The following CACNA1G variants were observed in gnomAD, a reference collection of about 807,000 sequenced individuals.
CACNA1G encodes the protein voltage-dependent T-type calcium channel subunit alpha-1G.
CACNA1G carries 67 observed loss-of-function variants against 219.4 expected under a neutral mutation model. The observed-to-expected ratio is 0.31, with a 90% CI of 0.25 to 0.37. CACNA1G has a LOEUF of 0.37. Among genes scored for constraint, CACNA1G ranks in the 10% least tolerant of loss-of-function variants. The pLI is 1.00. For missense variants in CACNA1G, 2,380 were observed against 3,231.4 expected, an observed-to-expected ratio of 0.74 and a Z score of 6.39; for synonymous variants, 1,296 against 1,345.3, an observed-to-expected ratio of 0.96 and a Z score of 0.80.
At chr17:50,605,877 T>C (rs1194621488) in intron 22 of CACNA1G, 21 bp from the exon 23 acceptor site, 2 of 1,612,676 alleles carry the variant, frequency 1.2e-6, no homozygotes, top group African/African-American at 2.7e-5. Context: ...CTTTTCTCTG[T>C]CTCTGGGAAT....
intron 14 of CACNA1G, among the ~76,000 whole-genome samples, chr17:50,595,418 G>A (rs1327976352): frequency 3.3e-5 from 5 of 152,220 alleles, no homozygotes; most frequent in East Asian, 1.9e-4. Context: ...AGTCCCAGAC[G>A]TCCGGCTTCA....
At chr17:50,591,079 T>A (rs2044225535) in intron 10 of CACNA1G, among the ~76,000 whole-genome samples, 1 of 152,232 alleles carries the variant, frequency 6.6e-6, no homozygotes, top group Admixed American at 6.5e-5. Context: ...CCGCAAGGCC[T>A]GGGGCCAGGA....
chr17:50,626,787 G>A lies in CACNA1G; in HGVS notation c.*36G>A. 1 of 1,612,580 alleles carries A rather than the reference G, an allele frequency of 6.2e-7. No individual in the cohort carries two copies. Among genetic ancestry groups the A allele is most frequent in the Non-Finnish European group, 8.5e-7 (1 of 1,179,662 alleles). On this transcript the variant is annotated 3_prime_UTR_variant, in exon 38 of 38. Transcript: ENST00000359106. The surrounding 1 kb of genome is among the most constrained non-coding windows in gnomAD (Gnocchi z 4.3). ...ACTTTCCCACTCACCTTTCTCCACT[G>A]GGTGCCAAGTCCTAGCTCCTCCTCC... is the stretch of plus-strand genomic sequence containing the variant.
chr17:50,579,523 C>G (rs1402965793), intron 9 of CACNA1G, among the ~76,000 whole-genome samples: 1 of 152,124 alleles, frequency 6.6e-6, no homozygotes, highest in Non-Finnish European at 1.5e-5. Context: ...AAGTCGCTCC[C>G]CCTCCCCCCA....
At chr17:50,601,199 C>G in intron 19 of CACNA1G, 25 bp downstream of exon 19, 1 of 1,612,502 alleles carries the variant, frequency 6.2e-7, no homozygotes, top group South Asian at 1.1e-5. Context: ...CCGCTCAGGG[C>G]AAGGCCTCTC....
chr17:50,608,146 C>A (rs530162258), intron 25 of CACNA1G, 127 bp downstream of exon 25: 3 of 743,098 alleles, frequency 4.0e-6, no homozygotes, highest in South Asian at 1.8e-5. Context: ...CTCCCACCCC[C>A]CTCCTCACCT....
chr17:50,618,564 C>T lies in CACNA1G; in HGVS notation c.5428-91C>T. The T allele has an allele frequency of 1.8e-6, 2 of 1,115,174 alleles. No individual in the cohort carries two copies. The highest frequency in any genetic ancestry group is 4.0e-5 in the Admixed American group (2 of 49,912). 69.1% of individuals were successfully genotyped at this position (1,115,174 alleles called of 1,614,324 possible). On this transcript the variant is annotated intron_variant, in intron 32 of 37. Coordinates refer to ENST00000359106, the MANE Select transcript of CACNA1G (RefSeq NM_018896.5). The surrounding 1 kb of genome is among the most constrained non-coding windows in gnomAD (Gnocchi z 5.3). ...TCCTCCTCCCCTTCCTTCCCATCCT[C>T]CAATGCTCTGTGACACCAGTGACCT...
In CACNA1G at chr17:50,578,382, G is replaced by A. The variant is rs1290655329; in HGVS notation, c.2119G>A (p.Asp707Asn). The change falls in exon 9 of 38, where the codon GAC becomes AAC. Residue 707 changes from aspartate (D) to asparagine (N), a missense_variant. Physicochemically the swap from Asp to Asn is conservative, Grantham distance 23. Coordinates refer to ENST00000359106, the MANE Select transcript of CACNA1G (RefSeq NM_018896.5). The surrounding 1 kb of genome is among the most constrained non-coding windows in gnomAD (Gnocchi z 4.5). ...TQDAQHSDLR[D>N]PHSRRQRSLG... The stretch of plus-strand genomic sequence containing the variant: ...GGATGCCCAGCACAGCGACCTCCGG[G>A]ACCCCCACAGCCGGCGGCAACGGAG... 6.2e-7 allele frequency: 1 copy of A among 1,613,178 alleles called. No homozygotes were observed. Among genetic ancestry groups the A allele is most frequent in the African/African-American group, 1.3e-5 (1 of 74,924 alleles).
rs1567727342 is a variant in CACNA1G at position 50,609,909 on chromosome 17, C to T, written c.4733C>T (p.Ser1578Phe). The change falls in exon 26 of 38, where the codon TCC (serine) becomes TTC (phenylalanine). Residue 1578 changes from serine (S) to phenylalanine (F), a missense_variant. Coordinates refer to ENST00000359106, the MANE Select transcript of CACNA1G (RefSeq NM_018896.5). Reference protein sequence around the residue: ...RNLMLDDVIASGSSASAASEA... With the variant: ...RNLMLDDVIAFGSSASAASEA... ...CTAATGCTGGACGATGTAATTGCTT[C>T]CGGCAGCTCAGCCAGCGCTGCGTCA... is the stretch of plus-strand genomic sequence containing the variant. 1 of 1,611,424 alleles carries T rather than the reference C, an allele frequency of 6.2e-7. No homozygotes were observed. Among genetic ancestry groups the T allele is most frequent in the Non-Finnish European group, 8.5e-7 (1 of 1,179,818 alleles).
In CACNA1G at chr17:50,594,911, T is replaced by A. The variant is rs888223432; in HGVS notation, c.2911-82T>A. ...GGGTTTGCGCCCCTCCTTTTCTTCA[T>A]CCTCTCTCGACACTGCCGATATCTG... is the stretch of plus-strand genomic sequence containing the variant. On this transcript the variant is annotated intron_variant, in intron 13 of 37. Coordinates refer to ENST00000359106, the MANE Select transcript of CACNA1G (RefSeq NM_018896.5). 1.2e-5 allele frequency: 13 copies of A among 1,054,842 alleles called. No homozygotes were observed. The African/African-American group carries it at 1.4e-4, about 12-fold the overall frequency. The allele number at this position is 1,054,842 out of a possible 1,614,324, so 65.3% of individuals were successfully genotyped here.
rs368793200 is a variant in CACNA1G, at chr17:50,623,861, C to T, written c.6061-46C>T. On this transcript the variant is annotated intron_variant, in intron 35 of 37. Coordinates refer to ENST00000359106, the MANE Select transcript of CACNA1G (RefSeq NM_018896.5). The stretch of plus-strand genomic sequence containing the variant: ...TCAGCGCTGCCTCAGTTACCAAACC[C>T]ACGCACACCCTCTTCCTCCACCTCC... 2.5e-6 allele frequency: 4 copies of T among 1,580,178 alleles called. No homozygotes were observed. In the South Asian group the frequency reaches 3.4e-5, roughly 13 times the overall value.
At chr17:50,622,841 A>T (rs1598818783) in intron 35 of CACNA1G, among the ~76,000 whole-genome samples, 1 of 151,984 alleles carries the variant, frequency 6.6e-6, no homozygotes, top group Non-Finnish European at 1.5e-5. Context: ...CTCCACCCTC[A>T]CCTGCCAGAG....
intron 13 of CACNA1G, among the ~76,000 whole-genome samples, chr17:50,594,118 C>T (rs2044977954): frequency 6.6e-6 from 1 of 152,222 alleles, no homozygotes; most frequent in South Asian, 2.1e-4. Context: ...GGGTAGCCCC[C>T]CTGCTGGCCT....
chr17:50,624,471 T>C lies in CACNA1G; in HGVS notation c.6341T>C (p.Ile2114Thr). Residue 2114 changes from isoleucine (I) to threonine (T), a missense_variant, in exon 37 of 38, where the codon ATC becomes ACC. By Grantham distance (89) the Ile-to-Thr change is moderately conservative. Transcript: ENST00000359106. ...QPHSAPTWGT[I>T]PKLPPPGRSP... The stretch of plus-strand genomic sequence containing the variant: ...CACAGCGCCCCAACCTGGGGCACCA[T>C]CCCCAAACTGCCCCCACCAGGACGC... 2 of 1,601,092 alleles carry C rather than the reference T, an allele frequency of 1.2e-6. No homozygotes were observed. Among genetic ancestry groups the C allele is most frequent in the Non-Finnish European group, 1.7e-6 (2 of 1,174,508 alleles).
At chr17:50,573,237 G>A (rs1259204173) in intron 7 of CACNA1G, 124 bp downstream of exon 7, 1 of 695,800 alleles carries the variant, frequency 1.4e-6, no homozygotes, top group Non-Finnish European at 2.6e-6. Flanking sequence ...CCTGTAGAGA[G>A]GGCATCCATC....
At position 50,616,433 on chromosome 17, in the gene CACNA1G, A is replaced by T; in HGVS notation, c.5021+49A>T. 2.7e-6 allele frequency: 3 copies of T among 1,122,210 alleles called. No individual in the cohort carries two copies. In the South Asian group the frequency reaches 3.9e-5, roughly 15 times the overall value. The allele number at this position is 1,122,210 out of a possible 1,614,324, so 69.5% of individuals were successfully genotyped here. On this transcript the variant is annotated intron_variant, in intron 28 of 37. Coordinates refer to ENST00000359106, the MANE Select transcript of CACNA1G (RefSeq NM_018896.5). ...GGGGACTTGCGTAGAGATAGAAAGG[A>T]ATGAGTCTCTTGGGGAAATACCCAG... is the stretch of plus-strand genomic sequence containing the variant.
In CACNA1G at chr17:50,600,977, G is replaced by A; in HGVS notation, c.3792-74G>A. 6.3e-7 allele frequency: 1 copy of A among 1,594,016 alleles called. No individual in the cohort carries two copies. The highest frequency in any genetic ancestry group is 8.6e-7 in the Non-Finnish European group (1 of 1,167,688). On this transcript the variant is annotated intron_variant, in intron 18 of 37. Coordinates refer to ENST00000359106, the MANE Select transcript of CACNA1G (RefSeq NM_018896.5). This position sits in a 1 kb window ranked among gnomAD's most constrained non-coding sequence, Gnocchi z 4.1. ...AGCTGGGAGGGCACTGGAGGGGCAG[G>A]GGCTGCGGGCGGTGCCTCTCGTTGC... is the stretch of plus-strand genomic sequence containing the variant.
At chr17:50,569,869 C>G (rs1237321350) in intron 4 of CACNA1G, 66 bp downstream of exon 4, 3 of 1,199,620 alleles carry the variant, frequency 2.5e-6, no homozygotes, top group Non-Finnish European at 3.6e-6. Flanking sequence ...ACTCTCAGAC[C>G]CCACCTCTAC....
At position 50,603,571 on chromosome 17, in the gene CACNA1G, C is replaced by G. The variant is rs970433129; in HGVS notation, c.4169+372C>G. 2.6e-5 allele frequency among the ~76,000 whole-genome samples: 4 copies of G among 152,098 alleles called. No homozygotes were observed. Among genetic ancestry groups the G allele is most frequent in the Admixed American group, 2.0e-4 (3 of 15,276 alleles). The stretch of plus-strand genomic sequence containing the variant: ...CTAGGGGTGACACTCAGCCCCTCCC[C>G]GTGAGGTGACAGGCTCCTCTTGCTG... On this transcript the variant is annotated intron_variant, in intron 21 of 37. Transcript: ENST00000359106. The surrounding 1 kb of genome is among the most constrained non-coding windows in gnomAD (Gnocchi z 6.4).
Sources: allele counts gnomAD v4.1 joint callset (sites outside exome capture counted in the v4.1 genomes callset), GRCh38; gene constraint gnomAD v4.1.1; non-coding constraint Gnocchi (gnomAD v3.1); transcripts MANE v1.5; gene names NCBI Gene and HGNC (gene_info 2026-07-23, HGNC 2026-07-21).